Variants in NVL observed in about 807,000 individuals in gnomAD.
NVL encodes nuclear VCP like, also known as nuclear valosin-containing protein-like.
In NVL, 84 loss-of-function variants were observed where a neutral mutation model predicts 110.2. The observed-to-expected ratio is 0.76, with a 90% CI of 0.64 to 0.91. The LOEUF (loss-of-function observed/expected upper bound fraction) is 0.91. Among genes scored for constraint, NVL ranks in the 40% least tolerant of loss-of-function variants. NVL has a pLI of 0.00. For missense variants in NVL, 882 were observed against 1,035.9 expected (o/e 0.85, Z 2.04); for synonymous variants, 354 against 361.1 (o/e 0.98, Z 0.22).
intron 4 of NVL, among the ~76,000 whole-genome samples, chr1:224,317,064 G>C (rs982781437): frequency 1.3e-5 from 2 of 150,950 alleles, no homozygotes; most frequent in South Asian, 2.1e-4. Flanking sequence ...GCTTGAACCC[G>C]GGGGGCAGAG....
intron 9 of NVL, among the ~76,000 whole-genome samples, chr1:224,301,042 G>A (rs1297311230): frequency 6.6e-6 from 1 of 151,428 alleles, no homozygotes; most frequent in Non-Finnish European, 1.5e-5. Flanking sequence ...GGAGGCGGAG[G>A]TTGTAGTGAG....
At chr1:224,259,283 G>A (rs2102792706) in intron 18 of NVL, among the ~76,000 whole-genome samples, 1 of 152,150 alleles carries the variant, frequency 6.6e-6, no homozygotes, top group South Asian at 2.1e-4. Context: ...TAGAGACGAG[G>A]CTTCACTGTG....
chr1:224,258,714 A>G (rs1663580235), intron 18 of NVL, among the ~76,000 whole-genome samples: 1 of 152,224 alleles, frequency 6.6e-6, no homozygotes, highest in South Asian at 2.1e-4. Context: ...CATAATAAAA[A>G]GGAATGGAGT....
chr1:224,290,384 C>A (rs541136973), intron 12 of NVL, among the ~76,000 whole-genome samples: 1 of 152,176 alleles, frequency 6.6e-6, no homozygotes, highest in South Asian at 2.1e-4. Context: ...AGGGCAGGTG[C>A]GGTGGCTCAC....
At chr1:224,249,207 G>A (rs536824915) in intron 19 of NVL, among the ~76,000 whole-genome samples, 2 of 152,082 alleles carry the variant, frequency 1.3e-5, no homozygotes, top group South Asian at 2.1e-4. Context: ...GCAGTAGCAC[G>A]ATCTTGGCTG....
chr1:224,254,572 G>GTTTTTTTTT (rs71168400), intron 18 of NVL, among the ~76,000 whole-genome samples: 7 of 134,242 alleles, frequency 5.2e-5, no homozygotes, highest in East Asian at 2.1e-4. Flanking sequence ...TGTTTTTTTT[G>GTTTTTTTTT]TTTTTTTTTT....
At chr1:224,327,146 T>C (rs989973572) in intron 1 of NVL, among the ~76,000 whole-genome samples, 6 of 151,632 alleles carry the variant, frequency 4.0e-5, no homozygotes, top group African/African-American at 1.5e-4. Context: ...ATCTCAAAAA[T>C]AAATACATAA....
intron 18 of NVL, among the ~76,000 whole-genome samples, chr1:224,261,694 G>C (rs985573526): frequency 6.6e-6 from 1 of 152,160 alleles, no homozygotes; most frequent in Non-Finnish European, 1.5e-5. Flanking sequence ...GTTCACACCT[G>C]TAATCCCAGC....
rs374748620 is a variant in NVL, at chr1:224,273,367, A to AGCG, written c.2082+1971_2082+1972insCGC. Among the ~76,000 whole-genome samples, 941 of 150,866 alleles carry AGCG rather than the reference A, an allele frequency of 6.2e-3. 9 individuals carry two copies. The highest frequency in any genetic ancestry group is 0.022 in the African/African-American group (889 of 41,068). On this transcript the variant is annotated intron_variant, in intron 17 of 22. Coordinates refer to ENST00000281701, the MANE Select transcript of NVL (RefSeq NM_002533.4). The stretch of plus-strand genomic sequence containing the variant: ...GGCAGAGGTTGCAGTGAGCTGAGAT[A>AGCG]GTGCCATTGCACTCCAGCCTGGGTG...
rs372059806 is a variant in NVL at position 224,290,022 on chromosome 1, A to G, written c.1326-289T>C. On this transcript the variant is annotated intron_variant, in intron 12 of 22. Transcript: ENST00000281701. Reference sequence around the variant, plus strand: ...TGCCTTTAAGAATTTACAACATTACAGGGGAAATAAGATAAATAACTTATG... The same window carrying G: ...TGCCTTTAAGAATTTACAACATTACGGGGGAAATAAGATAAATAACTTATG... Among the ~76,000 whole-genome samples the G allele has an allele frequency of 3.9e-5, 6 of 152,258 alleles. No individual in the cohort carries two copies. The South Asian group carries it at 1.2e-3, about 31-fold the overall frequency.
chr1:224,287,728 C>A (rs1437551898), intron 14 of NVL, 47 bp downstream of exon 14: 6 of 1,526,688 alleles, frequency 3.9e-6, no homozygotes, highest in Non-Finnish European at 4.5e-6. Flanking sequence ...TATCTCTGGT[C>A]TTTAATCCAT....
intron 17 of NVL, among the ~76,000 whole-genome samples, chr1:224,269,081 T>C (rs1412414962): frequency 1.7e-5 from 2 of 120,094 alleles, no homozygotes; most frequent in African/African-American, 6.3e-5. Context: ...TTGGTGAGAC[T>C]AACTTTTTTT....
At chr1:224,253,405 A>G (rs1424639433) in intron 18 of NVL, among the ~76,000 whole-genome samples, 1 of 151,866 alleles carries the variant, frequency 6.6e-6, no homozygotes, top group Admixed American at 6.6e-5. Context: ...TACCAGTAGT[A>G]TGGCCATATC....
intron 18 of NVL, among the ~76,000 whole-genome samples, chr1:224,263,683 C>T (rs1664200572): frequency 6.6e-6 from 1 of 152,138 alleles, no homozygotes; most frequent in Non-Finnish European, 1.5e-5. Flanking sequence ...CTTACTTCTC[C>T]CATTAAGCTC....
intron 15 of NVL, among the ~76,000 whole-genome samples, chr1:224,285,790 A>G (rs1488123143): frequency 6.6e-6 from 1 of 152,216 alleles, no homozygotes; most frequent in Non-Finnish European, 1.5e-5. Flanking sequence ...AGAAAATATA[A>G]TAATTGCATG....
intron 18 of NVL, among the ~76,000 whole-genome samples, chr1:224,263,615 T>G (rs1664194031): frequency 6.6e-6 from 1 of 152,200 alleles, no homozygotes; most frequent in African/African-American, 2.4e-5. Flanking sequence ...ATCCCACATC[T>G]AATTCCAGAA....
At chr1:224,260,903 T>A (rs1663899626) in intron 18 of NVL, among the ~76,000 whole-genome samples, 1 of 151,790 alleles carries the variant, frequency 6.6e-6, no homozygotes, top group Non-Finnish European at 1.5e-5. Context: ...TGAGACAGAG[T>A]CTTGCTCTGT....
At chr1:224,253,467 G>A (rs1457901403) in intron 18 of NVL, among the ~76,000 whole-genome samples, 2 of 151,724 alleles carry the variant, frequency 1.3e-5, no homozygotes, top group African/African-American at 4.8e-5. Context: ...GGGTGGAGTG[G>A]CTCACGCCTG....
chr1:224,250,873 T>C (rs1469400582), intron 18 of NVL, among the ~76,000 whole-genome samples: 1 of 152,184 alleles, frequency 6.6e-6, no homozygotes, highest in African/African-American at 2.4e-5. Context: ...CCCAGGCTAG[T>C]CTTGAACTCC....
Sources: allele counts gnomAD v4.1 joint callset (sites outside exome capture counted in the v4.1 genomes callset), GRCh38; gene constraint gnomAD v4.1.1; transcripts MANE v1.5; gene names NCBI Gene and HGNC (gene_info 2026-07-23, HGNC 2026-07-21).